MYCBP2: variants seen among roughly 807,000 people sequenced by gnomAD.
The protein encoded by MYCBP2 is E3 ubiquitin-protein ligase MYCBP2.
A neutral mutation model predicts 525.3 loss-of-function variants in MYCBP2; 120 were observed. The ratio of observed to expected loss-of-function variants is 0.23; its 90% CI spans 0.20 to 0.27. The LOEUF (loss-of-function observed/expected upper bound fraction) is 0.27, where lower values mean the gene tolerates loss of function less well. Ranked by LOEUF, MYCBP2 falls within the 10% of genes least tolerant of loss-of-function variation. The probability of loss-of-function intolerance (pLI) is 1.00; values close to 1 mark genes in which losing one functional copy is unlikely to be tolerated. For missense variants in MYCBP2, 4,149 were observed against 5,657.1 expected (o/e 0.73, Z 8.55); for synonymous variants, 1,894 against 1,955.8 (o/e 0.97, Z 0.83).
At chr13:77,050,912 A>C (rs2036666601) in intron 82 of MYCBP2, 85 bp downstream of exon 82, 1 of 1,206,946 alleles carries the variant, frequency 8.3e-7, no homozygotes, top group Non-Finnish European at 1.2e-6. Context: ...AGTTTCTGTC[A>C]CTTGAAACAG....
chr13:77,159,872 G>A (rs779196766), intron 44 of MYCBP2, among the ~76,000 whole-genome samples: 3 of 152,014 alleles, frequency 2.0e-5, no homozygotes, highest in Non-Finnish European at 4.4e-5. Context: ...CACCTAGAAT[G>A]TTGCCTGACA....
chr13:77,292,337 G>A (rs1282944617), intron 2 of MYCBP2, among the ~76,000 whole-genome samples: 1 of 152,002 alleles, frequency 6.6e-6, no homozygotes, highest in Non-Finnish European at 1.5e-5. Context: ...AGATTTATGA[G>A]TCCTTCTGGC....
intron 61 of MYCBP2, 53 bp downstream of exon 61, chr13:77,088,779 A>C: frequency 6.8e-7 from 1 of 1,472,850 alleles, no homozygotes; most frequent in African/African-American, 1.4e-5. Context: ...AAATAGAATC[A>C]TCACATGATT....
intron 2 of MYCBP2, among the ~76,000 whole-genome samples, chr13:77,292,974 A>G (rs11841781): frequency 0.021 from 3,168 of 151,242 alleles, 123 homozygotes; most frequent in African/African-American, 0.072. Context: ...AAAAAAAAAA[A>G]AAAGAAAGAA....
rs568486477 is a variant in MYCBP2 at position 77,278,859 on chromosome 13, A to C, written c.647T>G (p.Phe216Cys). Residue 216 changes from phenylalanine to cysteine, a missense_variant, in exon 4 of 83, where the codon TTT becomes TGT. By Grantham distance (205) the Phe-to-Cys change is radical (BLOSUM62 -2). Around this residue, in one of 21 missense-constraint regions of MYCBP2, gnomAD observed 413 missense variants for 451.2 expected, o/e 0.92. Transcript: ENST00000544440. ...EVFELIKETR[F>C]SHPSLCLRSL... ...CCTGAGACACAGGGATGGATGAGAA[A>C]ATCGTGTCTCTTTGATCAATTCAAA... 1 of 1,598,508 alleles carries C rather than the reference A, an allele frequency of 6.3e-7. No homozygotes were observed. The highest frequency in any genetic ancestry group is 1.3e-5 in the African/African-American group (1 of 74,078).
intron 55 of MYCBP2, among the ~76,000 whole-genome samples, chr13:77,112,277 C>T (rs941506773): frequency 2.7e-5 from 4 of 146,740 alleles, no homozygotes; most frequent in Non-Finnish European, 6.0e-5. Context: ...ACTGTATCCC[C>T]TCTTCTTTAT....
Position 77,066,066 on chromosome 13 carries a change from G to A in MYCBP2, c.12478C>T (p.His4160Tyr). The A allele has an allele frequency of 6.2e-7, 1 of 1,612,684 alleles. No individual in the cohort carries two copies. The highest frequency in any genetic ancestry group is 1.1e-5 in the South Asian group (1 of 90,870). ...NSSYLRRGES[H>Y]WWMKGSTPTQ... ...GGGGTTGAGCCCTTCATCCACCAAT[G>A]ACTTTCACCTCGTCGGAGATAACTA... The change falls in exon 72 of 83, where the codon CAT (histidine) becomes TAT (tyrosine). Residue 4160 changes from histidine to tyrosine, a missense_variant. Coordinates refer to ENST00000544440, the MANE Select transcript of MYCBP2 (RefSeq NM_015057.5).
intron 61 of MYCBP2, 43 bp downstream of exon 61, chr13:77,088,789 T>G (rs750336835): frequency 2.6e-6 from 4 of 1,520,358 alleles, no homozygotes; most frequent in Non-Finnish European, 2.7e-6. Context: ...ATCACATGAT[T>G]TGTATAATCA....
intron 52 of MYCBP2, among the ~76,000 whole-genome samples, chr13:77,128,690 A>T (rs1457366244): frequency 6.6e-6 from 1 of 151,966 alleles, no homozygotes; most frequent in Admixed American, 6.6e-5. Flanking sequence ...GCAATAGTAA[A>T]ATACATGCTT....
intron 2 of MYCBP2, among the ~76,000 whole-genome samples, chr13:77,295,282 C>T (rs1254454509): frequency 2.0e-5 from 3 of 152,096 alleles, no homozygotes; most frequent in Non-Finnish European, 4.4e-5. Context: ...TACAGGCACC[C>T]ACCACCACGC....
At chr13:77,183,666 C>T (rs1006599158) in intron 32 of MYCBP2, among the ~76,000 whole-genome samples, 1 of 146,016 alleles carries the variant, frequency 6.8e-6, no homozygotes, top group Non-Finnish European at 1.5e-5. Flanking sequence ...ATTCTCGTGC[C>T]TCAGCCTCCC....
intron 7 of MYCBP2, among the ~76,000 whole-genome samples, chr13:77,269,497 G>T (rs1168532135): frequency 6.6e-6 from 1 of 152,068 alleles, no homozygotes; most frequent in Non-Finnish European, 1.5e-5. Context: ...AATTAGCTAG[G>T]CATGGTGGCA....
At chr13:77,268,080 A>G in intron 7 of MYCBP2, 143 bp from the exon 8 acceptor site, 1 of 588,254 alleles carries the variant, frequency 1.7e-6, no homozygotes, top group East Asian at 2.8e-5. Context: ...GATTAAAAAT[A>G]TAAGAACATT....
chr13:77,252,350 G>A (rs1020150040), intron 14 of MYCBP2, among the ~76,000 whole-genome samples: 1 of 152,164 alleles, frequency 6.6e-6, no homozygotes, highest in Non-Finnish European at 1.5e-5. Flanking sequence ...ATACTCTGCA[G>A]ACCTCTGCTC....
intron 35 of MYCBP2, among the ~76,000 whole-genome samples, chr13:77,177,211 T>G (rs1338132487): frequency 6.6e-6 from 1 of 151,826 alleles, no homozygotes; most frequent in Non-Finnish European, 1.5e-5. Context: ...TTTTAGTCTT[T>G]AATTCTACTT....
In MYCBP2 at chr13:77,098,881, G is replaced by A; in HGVS notation, c.8273C>T (p.Pro2758Leu). ...AGCAGATAAACTTTCTGTGCCCCTT[G>A]GCTTCTTCTGATCAGCAGTAGTCCG... ...MSRTTADQKK[P>L]RGTESLSASE... The change falls in exon 56 of 83, where the codon CCA becomes CTA. Residue 2758 changes from proline (P) to leucine (L), a missense_variant. Physicochemically the swap from Pro to Leu is moderately conservative, Grantham distance 98. Coordinates refer to ENST00000544440, the MANE Select transcript of MYCBP2 (RefSeq NM_015057.5). The A allele has an allele frequency of 6.2e-7, 1 of 1,613,658 alleles. No individual in the cohort carries two copies. The highest frequency in any genetic ancestry group is 1.1e-5 in the South Asian group (1 of 91,072).
chr13:77,063,900 T>C (rs1241106882), intron 73 of MYCBP2, among the ~76,000 whole-genome samples: 3 of 152,210 alleles, frequency 2.0e-5, no homozygotes, highest in African/African-American at 2.4e-5. Flanking sequence ...CAAGATAGCA[T>C]AAATTGACTT....
At chr13:77,062,574 T>G (rs1157475278) in intron 74 of MYCBP2, 22 bp downstream of exon 74, 1 of 1,593,432 alleles carries the variant, frequency 6.3e-7, no homozygotes, top group Non-Finnish European at 8.6e-7. Context: ...CAAGATAAAT[T>G]CTTACAAAAT....
intron 30 of MYCBP2, among the ~76,000 whole-genome samples, chr13:77,186,553 C>T (rs961477843): frequency 1.3e-5 from 2 of 151,992 alleles, no homozygotes; most frequent in African/African-American, 4.8e-5. Flanking sequence ...GCAATACAAA[C>T]TACAGTCAAT....
Sources: gnomAD v4.1 joint callset for allele counts (sites outside exome capture counted in the v4.1 genomes callset) on GRCh38, gnomAD v4.1.1 for gene constraint, gnomAD v4.1.1 regional missense constraint, MANE v1.5 for transcripts, NCBI Gene and HGNC (gene_info 2026-07-23, HGNC 2026-07-21) for gene names.